Variants in HNRNPA2B1 observed in about 807,000 individuals in gnomAD.
HNRNPA2B1 encodes the protein heterogeneous nuclear ribonucleoprotein A2/B1.
HNRNPA2B1 carries 3 observed loss-of-function variants against 46.3 expected under a neutral mutation model. The observed-to-expected ratio is 0.06, with a 90% confidence interval of 0.03 to 0.17. The LOEUF is 0.17. Ranked by LOEUF, HNRNPA2B1 falls within the 10% of genes least tolerant of loss-of-function variation. The pLI is 1.00. For synonymous variants in HNRNPA2B1, 225 were observed against 133.8 expected (o/e 1.68, Z -4.70); for missense variants, 221 against 418.9 (o/e 0.53, Z 4.12).
At chr7:26,200,289 C>A (rs1449602404) in intron 1 of HNRNPA2B1, 1 of 500,970 alleles carries the variant, frequency 2.0e-6, no homozygotes, top group Non-Finnish European at 3.6e-6. Context: ...ATTCCCGCCT[C>A]CGCGCCCCAC....
rs1222721954 is a variant in HNRNPA2B1, at chr7:26,190,850, G to A, written c.*1510C>T. The A allele has an allele frequency of 6.6e-6, 1 of 152,480 alleles. No homozygotes were observed. Among genetic ancestry groups the A allele is most frequent in the African/African-American group, 2.4e-5 (1 of 41,430 alleles). 9.4% of individuals were successfully genotyped at this position (152,480 alleles called of 1,614,324 possible). Reference sequence around the variant, plus strand: ...AGTCTCATCCTGATAAGCATGTACAGTTACAACCATAAATACAACAAATGT... The same window carrying A: ...AGTCTCATCCTGATAAGCATGTACAATTACAACCATAAATACAACAAATGT... On this transcript the variant is annotated 3_prime_UTR_variant, in exon 11 of 11. Coordinates refer to ENST00000618183, the MANE Select transcript of HNRNPA2B1 (RefSeq NM_002137.4).
rs1783712103 is a variant in HNRNPA2B1 at position 26,196,988 on chromosome 7, A to C, written c.294T>G (p.Thr98=). 1 of 1,613,424 alleles carries C rather than the reference A, an allele frequency of 6.2e-7. No individual in the cohort carries two copies. The highest frequency in any genetic ancestry group is 1.1e-5 in the South Asian group (1 of 91,078). Residue 98 remains threonine (T), a synonymous_variant, in exon 4 of 11, where the codon ACT becomes ACG. Coordinates refer to ENST00000618183, the MANE Select transcript of HNRNPA2B1 (RefSeq NM_002137.4). ...EESGKPGAHV[T]VKKLFVGGIK... ...TTCCGCCAACAAACAGCTTCTTCACAGTTACATGAGCCCCTGGTTTTCCAG... is the reference window on the plus strand; with the variant it reads ...TTCCGCCAACAAACAGCTTCTTCACCGTTACATGAGCCCCTGGTTTTCCAG...
chr7:26,200,677 A>C lies in HNRNPA2B1; in HGVS notation c.-100T>G, dbSNP rs914515994. The stretch of plus-strand genomic sequence containing the variant: ...CCGGACTCGTCCTGGCGCTGTAGTG[A>C]GAACTGCCGCTGCTCGAGAAACAAC... On this transcript the variant is annotated 5_prime_UTR_variant, in exon 1 of 11. Transcript: ENST00000618183. 15 of 1,452,272 alleles carry C rather than the reference A, an allele frequency of 1.0e-5. No individual in the cohort carries two copies. The South Asian group carries it at 1.4e-4, about 13-fold the overall frequency. The allele number at this position is 1,452,272 out of a possible 1,614,324, so 90.0% of individuals were successfully genotyped here.
chr7:26,196,121 T>C (rs933707543), intron 6 of HNRNPA2B1, among the ~76,000 whole-genome samples: 1 of 152,212 alleles, frequency 6.6e-6, no homozygotes, highest in Non-Finnish European at 1.5e-5. Context: ...ATCTTAGAGA[T>C]TCCATCCTAT....
chr7:26,196,453 A>G lies in HNRNPA2B1; in HGVS notation c.606T>C (p.Gly202=), dbSNP rs1196454573. 1.2e-6 allele frequency: 2 copies of G among 1,614,156 alleles called. No individual in the cohort carries two copies. The highest frequency in any genetic ancestry group is 1.7e-6 in the Non-Finnish European group (2 of 1,180,014). The change falls in exon 6 of 11, where the codon GGT becomes GGC. Residue 202 remains glycine (G), a synonymous_variant. Transcript: ENST00000618183. ...GTCCTGGTCCGAAATTTCCACCGCC[A>G]CCACGTGAATCCCCAAAGCCAAAGT... ...GGNFGFGDSR[G]GGGNFGPGPG...
In HNRNPA2B1 at chr7:26,196,634, C is replaced by T; in HGVS notation, c.500G>A (p.Gly167Asp). The change falls in exon 5 of 11, where the codon GGT (glycine) becomes GAT (aspartate). Residue 167 changes from glycine to aspartate, a missense_variant. By Grantham distance (94) the Gly-to-Asp change is moderately conservative. Transcript: ENST00000618183. ...AGCCTTTCTTACTTCTGCATTATGA[C>T]CATTGATGGTATGGTATTTCTGCAC... ...IVLQKYHTIN[G>D]HNAEVRKALS... 1 of 1,613,936 alleles carries T rather than the reference C, an allele frequency of 6.2e-7. No homozygotes were observed. The highest frequency in any genetic ancestry group is 8.5e-7 in the Non-Finnish European group (1 of 1,179,838).
chr7:26,197,023 ATAG>A lies in HNRNPA2B1; in HGVS notation c.265-9_265-7del, dbSNP rs1451090903. The A allele has an allele frequency of 2.5e-6, 4 of 1,606,166 alleles. No homozygotes were observed. Among genetic ancestry groups the A allele is most frequent in the South Asian group, 1.1e-5 (1 of 90,882 alleles). On this transcript the variant is annotated splice_region_variant and splice_polypyrimidine_tract_variant and intron_variant, in intron 3 of 10. Coordinates refer to ENST00000618183, the MANE Select transcript of HNRNPA2B1 (RefSeq NM_002137.4). ...GCCCCTGGTTTTCCAGATTCCTAAA[ATAG>A]TGGTGGGGTAAAAGTCATCCAAACA...
At chr7:26,196,297 GA>G (rs1783627764) in intron 6 of HNRNPA2B1, 103 bp downstream of exon 6, 2 of 935,166 alleles carry the variant, frequency 2.1e-6, no homozygotes, top group South Asian at 3.3e-5. Context: ...GAAGTCTTAG[GA>G]AAATTGACTT....
Position 26,196,872 on chromosome 7 carries a change from G to A in HNRNPA2B1, c.410C>T (p.Ser137Phe). 1 of 1,613,972 alleles carries A rather than the reference G, an allele frequency of 6.2e-7. No individual in the cohort carries two copies. Among genetic ancestry groups the A allele is most frequent in the Non-Finnish European group, 8.5e-7 (1 of 1,179,940 alleles). The part of the protein sequence containing the change: ...DTIEIITDRQ[S>F]GKKRGFGFVT... ...AAAGCCAAAGCCTCTTTTCTTTCCAGACTGCCTATCAGTAATTATCTCAAT... is the reference window on the plus strand; with the variant it reads ...AAAGCCAAAGCCTCTTTTCTTTCCAAACTGCCTATCAGTAATTATCTCAAT... The change falls in exon 4 of 11, where the codon TCT (serine) becomes TTT (phenylalanine). Residue 137 changes from serine (S) to phenylalanine (F), a missense_variant. Around this residue, in one of 2 missense-constraint regions of HNRNPA2B1, gnomAD observed 78 missense variants for 218.5 expected, o/e 0.36. Transcript: ENST00000618183.
chr7:26,192,634 C>A (rs1359531092), intron 9 of HNRNPA2B1, 57 bp from the exon 10 acceptor site: 1 of 1,347,490 alleles, frequency 7.4e-7, no homozygotes, highest in Non-Finnish European at 1.1e-6. Flanking sequence ...CCATGATCAG[C>A]CTAACACTAC....
intron 1 of HNRNPA2B1, chr7:26,198,428 TAA>T (rs1373284463): frequency 1.3e-5 from 2 of 152,484 alleles, no homozygotes; most frequent in African/African-American, 2.4e-5. Flanking sequence ...ACTCGAAGCT[TAA>T]AAAGTTTAAT....
In HNRNPA2B1 at chr7:26,191,141, C is replaced by T. The variant is rs1782868053; in HGVS notation, c.*1219G>A. The T allele has an allele frequency of 8.4e-6, 1 of 118,514 alleles. No individual in the cohort carries two copies. The allele number at this position is 118,514 out of a possible 1,614,324, so 7.3% of individuals were successfully genotyped here. ...GTTCATATCAATGCTAAAATTCCGG[C>T]AGGGAAAAAAATGATATGTTAAGCA... On this transcript the variant is annotated 3_prime_UTR_variant, in exon 11 of 11. Transcript: ENST00000618183.
At chr7:26,193,192 C>G in intron 9 of HNRNPA2B1, 59 bp downstream of exon 9, 2 of 1,527,186 alleles carry the variant, frequency 1.3e-6, no homozygotes, top group Non-Finnish European at 1.8e-6. Flanking sequence ...CCCTTTAAGT[C>G]ACAAAAGGCT....
In HNRNPA2B1 at chr7:26,196,643, G is replaced by A; in HGVS notation, c.491C>T (p.Thr164Ile). 6.2e-7 allele frequency: 1 copy of A among 1,613,236 alleles called. No individual in the cohort carries two copies. The highest frequency in any genetic ancestry group is 8.5e-7 in the Non-Finnish European group (1 of 1,179,318). Reference protein sequence around the residue: ...VDKIVLQKYHTINGHNAEVRK... With the variant: ...VDKIVLQKYHIINGHNAEVRK... ...TACTTCTGCATTATGACCATTGATG[G>A]TATGGTATTTCTGCACTGGAATGAA... The change falls in exon 5 of 11, where the codon ACC (threonine) becomes ATC (isoleucine). Residue 164 changes from threonine to isoleucine, a missense_variant. Physicochemically the swap from Thr to Ile is moderately conservative, Grantham distance 89. Around this residue, in one of 2 missense-constraint regions of HNRNPA2B1, gnomAD observed 78 missense variants for 218.5 expected, o/e 0.36. Transcript: ENST00000618183.
chr7:26,197,176 A>C (rs1783739439), intron 3 of HNRNPA2B1, 139 bp downstream of exon 3: 2 of 1,205,516 alleles, frequency 1.7e-6, no homozygotes, highest in Non-Finnish European at 2.3e-6. Context: ...AAGCTAGCTT[A>C]AGAAAATGGT....
chr7:26,197,932 A>ATAATGATACGGCGAC, intron 1 of HNRNPA2B1, 200 bp from the exon 2 acceptor site: 3 of 1,126,594 alleles, frequency 2.7e-6, no homozygotes, highest in Non-Finnish European at 3.6e-6. Flanking sequence ...TAGTTGTGTT[A>ATAATGATACGGCGAC]CACCAAAAAA....
At chr7:26,192,685 C>A in intron 9 of HNRNPA2B1, 108 bp from the exon 10 acceptor site, 1 of 914,812 alleles carries the variant, frequency 1.1e-6, no homozygotes, top group Non-Finnish European at 1.8e-6. Context: ...TTTAAACAAG[C>A]AGATCCTAAT....
chr7:26,199,652 C>CG (rs1199637291), intron 1 of HNRNPA2B1: 1 of 152,154 alleles, frequency 6.6e-6, no homozygotes, highest in Non-Finnish European at 1.5e-5. Context: ...AAACCACCTT[C>CG]GTCCCTGCCC....
At position 26,192,324 on chromosome 7, in the gene HNRNPA2B1, T is replaced by C. The variant is rs1344417908; in HGVS notation, c.*36A>G. 1 of 584,566 alleles carries C rather than the reference T, an allele frequency of 1.7e-6. No individual in the cohort carries two copies. The highest frequency in any genetic ancestry group is 1.9e-5 in the African/African-American group (1 of 53,576). The allele number at this position is 584,566 out of a possible 1,614,324, so 36.2% of individuals were successfully genotyped here. Reference sequence around the variant, plus strand: ...ACCTCTGGGCTCTCATCCTCTCCTATTTATACAGTGAAGCCTGTTTCAACA... The same window carrying C: ...ACCTCTGGGCTCTCATCCTCTCCTACTTATACAGTGAAGCCTGTTTCAACA... On this transcript the variant is annotated 3_prime_UTR_variant, in exon 11 of 11. Coordinates refer to ENST00000618183, the MANE Select transcript of HNRNPA2B1 (RefSeq NM_002137.4).
Sources: gnomAD v4.1 joint callset for allele counts (sites outside exome capture counted in the v4.1 genomes callset) on GRCh38, gnomAD v4.1.1 for gene constraint, gnomAD v4.1.1 regional missense constraint, MANE v1.5 for transcripts, NCBI Gene and HGNC (gene_info 2026-07-23, HGNC 2026-07-21) for gene names.